Variants in RAF1 observed in about 807,000 individuals in gnomAD.
RAF1 encodes the protein RAF proto-oncogene serine/threonine-protein kinase.
A neutral mutation model predicts 81.1 loss-of-function variants in RAF1; 27 were observed. That is an observed-to-expected ratio of 0.33 (90% CI 0.25 to 0.46). RAF1 has a LOEUF of 0.46. Among genes scored for constraint, RAF1 ranks in the 20% least tolerant of loss-of-function variants. The probability of loss-of-function intolerance (pLI) is 1.00; values close to 1 mark genes in which losing one functional copy is unlikely to be tolerated. For synonymous variants in RAF1, 298 were observed against 294.0 expected (o/e 1.01, Z -0.14); for missense variants, 598 against 826.0 (o/e 0.72, Z 3.38).
rs761263229 is a variant in RAF1 at position 12,585,152 on chromosome 3, A to C, written c.1698T>G (p.Leu566=). ...CTCGGTTGTTGATGTGAGAATAAGG[A>C]AGCTCCCCCGTCATCAGTTCATACA... is the stretch of plus-strand genomic sequence containing the variant. Residue 566 remains leucine (L), a synonymous_variant, in exon 16 of 18, where the codon CTT becomes CTG. Coordinates refer to ENST00000442415, the MANE Select transcript of RAF1 (RefSeq NM_001354689.3). 1 of 1,614,168 alleles carries C rather than the reference A, an allele frequency of 6.2e-7. No individual in the cohort carries two copies. Among genetic ancestry groups the C allele is most frequent in the African/African-American group, 1.3e-5 (1 of 75,028 alleles).
At chr3:12,635,921 C>T (rs1183350480) in intron 1 of RAF1, among the ~76,000 whole-genome samples, 2 of 150,228 alleles carry the variant, frequency 1.3e-5, no homozygotes, top group African/African-American at 2.5e-5. Flanking sequence ...TGCAGTGAGC[C>T]GAGATCGCGC....
chr3:12,606,087 G>A lies in RAF1; in HGVS notation c.680+114C>T, dbSNP rs897251095. Reference sequence around the variant, plus strand: ...ATCAAGTTCCACAGAAGCAGCAAGGGGTTTCCACGTAGAGAGGAGGGAATG... The same window carrying A: ...ATCAAGTTCCACAGAAGCAGCAAGGAGTTTCCACGTAGAGAGGAGGGAATG... On this transcript the variant is annotated intron_variant, in intron 6 of 17. Coordinates refer to ENST00000442415, the MANE Select transcript of RAF1 (RefSeq NM_001354689.3). The A allele has an allele frequency of 1.1e-5, 8 of 747,510 alleles. No individual in the cohort carries two copies. In the Admixed American group the frequency reaches 1.3e-4, roughly 12 times the overall value. The allele number at this position is 747,510 out of a possible 1,614,324, so 46.3% of individuals were successfully genotyped here. A position where few individuals can be genotyped will look rare whatever the true frequency, so the allele number is the denominator to read the frequency against.
At chr3:12,637,967 T>C (rs1391868) in intron 1 of RAF1, among the ~76,000 whole-genome samples, 91,252 of 151,978 alleles carry the variant, frequency 0.6, 27,919 homozygotes, top group East Asian at 0.92. Context: ...CCTTTCATGA[T>C]GGCCTGGCCC....
chr3:12,655,689 TGAG>T (rs1306511886), intron 1 of RAF1, among the ~76,000 whole-genome samples: 1 of 152,094 alleles, frequency 6.6e-6, no homozygotes, highest in African/African-American at 2.4e-5. Flanking sequence ...CCATCACTGA[TGAG>T]GAGATAAACA....
intron 1 of RAF1, among the ~76,000 whole-genome samples, chr3:12,637,930 C>T (rs185906621): frequency 4.0e-4 from 61 of 152,216 alleles, no homozygotes; most frequent in Middle Eastern, 3.4e-3. Context: ...AATTAGCACT[C>T]GAATTCTTTA....
intron 1 of RAF1, among the ~76,000 whole-genome samples, chr3:12,637,682 G>C (rs1372336098): frequency 6.6e-6 from 1 of 151,548 alleles, no homozygotes; most frequent in Non-Finnish European, 1.5e-5. Context: ...GTGAAACCCT[G>C]TCTCTACTAA....
At chr3:12,663,561 C>G (rs1482199230) in intron 1 of RAF1, among the ~76,000 whole-genome samples, 1 of 152,236 alleles carries the variant, frequency 6.6e-6, no homozygotes, top group Non-Finnish European at 1.5e-5. Flanking sequence ...ATAAGGGTGG[C>G]GTTGGCACGT....
At chr3:12,629,187 T>G (rs2059794939) in intron 1 of RAF1, among the ~76,000 whole-genome samples, 1 of 152,208 alleles carries the variant, frequency 6.6e-6, no homozygotes, top group African/African-American at 2.4e-5. Context: ...AATATTAAAA[T>G]TTATGTAAAT....
intron 1 of RAF1, among the ~76,000 whole-genome samples, chr3:12,632,154 T>G (rs1025432088): frequency 6.6e-6 from 1 of 152,036 alleles, no homozygotes; most frequent in Non-Finnish European, 1.5e-5. Flanking sequence ...TGAAACCCTG[T>G]CTCTACTAAA....
chr3:12,636,398 G>A (rs922889993), intron 1 of RAF1, among the ~76,000 whole-genome samples: 1 of 149,870 alleles, frequency 6.7e-6, no homozygotes, highest in Middle Eastern at 3.5e-3. Flanking sequence ...CTTAAGCCCA[G>A]TAGTTCAAGA....
intron 1 of RAF1, among the ~76,000 whole-genome samples, chr3:12,651,134 C>T (rs1276830707): frequency 6.6e-6 from 1 of 152,134 alleles, no homozygotes; most frequent in Non-Finnish European, 1.5e-5. Context: ...AGCCTTTTTA[C>T]TTCTAAAATG....
intron 1 of RAF1, among the ~76,000 whole-genome samples, chr3:12,646,880 T>A (rs1209012162): frequency 6.6e-6 from 1 of 151,730 alleles, no homozygotes; most frequent in Non-Finnish European, 1.5e-5. Context: ...AGAAAGGGTT[T>A]CAATGTGTTG....
chr3:12,640,202 T>C (rs1339769362), intron 1 of RAF1, among the ~76,000 whole-genome samples: 3 of 152,174 alleles, frequency 2.0e-5, no homozygotes, highest in Non-Finnish European at 4.4e-5. Flanking sequence ...CCTTACATCT[T>C]ATACAAAAAT....
At chr3:12,640,333 G>A (rs1359240805) in intron 1 of RAF1, among the ~76,000 whole-genome samples, 16 of 152,020 alleles carry the variant, frequency 1.1e-4, no homozygotes, top group African/African-American at 1.4e-4. Flanking sequence ...CTAAAACACC[G>A]AAAGCAAGGG....
chr3:12,627,916 T>C (rs2059752606), intron 1 of RAF1, among the ~76,000 whole-genome samples: 1 of 152,078 alleles, frequency 6.6e-6, no homozygotes, highest in African/African-American at 2.4e-5. Context: ...GGTCAGGAGG[T>C]TGAGACCCGC....
At chr3:12,606,982 C>G (rs537182096) in intron 5 of RAF1, among the ~76,000 whole-genome samples, 1 of 152,314 alleles carries the variant, frequency 6.6e-6, no homozygotes, top group Non-Finnish European at 1.5e-5. Flanking sequence ...TGAGCCACCG[C>G]GCCCGGCCCA....
At chr3:12,585,837 G>T in intron 14 of RAF1, 38 bp from the exon 14 acceptor site, 1 of 1,474,258 alleles carries the variant, frequency 6.8e-7, no homozygotes, top group Non-Finnish European at 9.5e-7. Context: ...CAAAAGAATG[G>T]TCAGGTTAAT....
chr3:12,636,774 T>C (rs1056985429), intron 1 of RAF1, among the ~76,000 whole-genome samples: 2 of 151,376 alleles, frequency 1.3e-5, no homozygotes, highest in Admixed American at 6.6e-5. Flanking sequence ...GCCACTGCAC[T>C]CCAGCCTGGG....
At position 12,643,533 on chromosome 3, in the gene RAF1, T is replaced by C. The variant is rs186393799; in HGVS notation, c.-27+20280A>G. ...GGGTGGGTGGATCACCTGAGGTCAG[T>C]AGTTCAAAACCAGCCTGGCCAACAT... On this transcript the variant is annotated intron_variant, in intron 1 of 17. Transcript: ENST00000442415. 2.2e-4 allele frequency among the ~76,000 whole-genome samples: 34 copies of C among 152,054 alleles called. 2 individuals carry two copies. In the East Asian group the frequency reaches 2.7e-3, roughly 12 times the overall value.
Sources: gnomAD v4.1 joint callset for allele counts (sites outside exome capture counted in the v4.1 genomes callset) on GRCh38, gnomAD v4.1.1 for gene constraint, MANE v1.5 for transcripts, NCBI Gene and HGNC (gene_info 2026-07-23, HGNC 2026-07-21) for gene names.